Variants in RAD54B observed in about 807,000 individuals in gnomAD.
RAD54B encodes the protein DNA repair and recombination protein RAD54B.
Under a neutral mutation model 95.8 loss-of-function variants are expected in RAD54B, and 78 were observed. The observed-to-expected ratio is 0.81, with a 90% CI of 0.68 to 0.98. The LOEUF (loss-of-function observed/expected upper bound fraction) is 0.98, where lower values mean the gene tolerates loss of function less well. Among genes scored for constraint, RAD54B ranks in the 50% least tolerant of loss-of-function variants. The pLI, the probability that RAD54B is intolerant of heterozygous loss-of-function variation, is 0.00. For missense variants in RAD54B, 957 were observed against 1,056.6 expected, an observed-to-expected ratio of 0.91 and a Z score of 1.31; for synonymous variants, 328 against 354.9, an observed-to-expected ratio of 0.92 and a Z score of 0.85.
At chr8:94,417,795 G>T (rs1326771635) in intron 3 of RAD54B, among the ~76,000 whole-genome samples, 1 of 152,126 alleles carries the variant, frequency 6.6e-6, no homozygotes, top group Non-Finnish European at 1.5e-5. Flanking sequence ...CAGATAAATT[G>T]TATCTTCATT....
intron 8 of RAD54B, among the ~76,000 whole-genome samples, chr8:94,398,293 T>C (rs1199627341): frequency 6.6e-6 from 1 of 152,088 alleles, no homozygotes; most frequent in Non-Finnish European, 1.5e-5. Context: ...AAAAATCGCT[T>C]TTGATAATGG....
chr8:94,374,707 A>C (rs1488394728), intron 14 of RAD54B, among the ~76,000 whole-genome samples: 1 of 152,164 alleles, frequency 6.6e-6, no homozygotes, highest in Non-Finnish European at 1.5e-5. Flanking sequence ...GAGAAACCAT[A>C]ATGAAAAAAA....
At chr8:94,454,350 G>C (rs1217444512) in intron 3 of RAD54B, among the ~76,000 whole-genome samples, 3 of 152,050 alleles carry the variant, frequency 2.0e-5, no homozygotes, top group Non-Finnish European at 4.4e-5. Flanking sequence ...AGATAGAAGT[G>C]ACAGTTGTAC....
At chr8:94,436,611 T>C in intron 3 of RAD54B, 1 of 1,550,556 alleles carries the variant, frequency 6.4e-7, no homozygotes. Context: ...GGGTCTCTTT[T>C]TGCTGCAATA....
At chr8:94,443,521 T>C (rs796243119) in intron 3 of RAD54B, among the ~76,000 whole-genome samples, 2 of 150,082 alleles carry the variant, frequency 1.3e-5, no homozygotes, top group African/African-American at 4.9e-5. Context: ...TAAAATGAAA[T>C]TATCAAAAAA....
chr8:94,379,257 G>C (rs369065026), intron 12 of RAD54B, among the ~76,000 whole-genome samples: 4 of 152,198 alleles, frequency 2.6e-5, no homozygotes, highest in Admixed American at 1.3e-4. Context: ...CTTGGATCAT[G>C]TAGTTTGATT....
rs35973866 is a variant in RAD54B, at chr8:94,458,325, T to C, written c.247A>G (p.Ser83Gly). Residue 83 changes from serine (S) to glycine (G), a missense_variant, in exon 3 of 15, where the codon AGT becomes GGT. Coordinates refer to ENST00000336148, the MANE Select transcript of RAD54B (RefSeq NM_012415.3). ...GGTGCTTCAAAACAATATTTTCCACTGCAATTATCTCTGTTATTGATTTCT... is the reference window on the plus strand; with the variant it reads ...GGTGCTTCAAAACAATATTTTCCACCGCAATTATCTCTGTTATTGATTTCT... ...TREINNRDNC[S>G]GKYCFEAPTL... The C allele has an allele frequency of 2.1e-3, 3,451 of 1,610,634 alleles. 52 individuals are homozygous for C. The African/African-American group carries it at 0.041, about 19-fold the overall frequency.
chr8:94,454,138 G>T lies in RAD54B; in HGVS notation c.304+4130C>A, dbSNP rs2921389. On this transcript the variant is annotated intron_variant, in intron 3 of 14. Coordinates refer to ENST00000336148, the MANE Select transcript of RAD54B (RefSeq NM_012415.3). Reference sequence around the variant, plus strand: ...ATCTTCTGAGTTTTTTACCATGTGCGTGCATTACCTTTTAAAAAAAAAAAA... The same window carrying T: ...ATCTTCTGAGTTTTTTACCATGTGCTTGCATTACCTTTTAAAAAAAAAAAA... Among the ~76,000 whole-genome samples, 4 of 151,078 alleles carry T rather than the reference G, an allele frequency of 2.6e-5. No homozygotes were observed. In the East Asian group the frequency reaches 7.8e-4, roughly 29 times the overall value.
In RAD54B at chr8:94,387,007, G is replaced by A. The variant is rs767903312; in HGVS notation, c.1962C>T (p.Ile654=). 10 of 1,600,128 alleles carry A rather than the reference G, an allele frequency of 6.2e-6. No homozygotes were observed. The East Asian group carries it at 6.7e-5, about 11-fold the overall frequency. ...ACTTTTCAGTAGGTCGAAGTTCGTG[G>A]ATAACCGCTAAGAGCTTGGACAACA... ...LQVLSKLLAV[I]HELRPTEKVV... The change falls in exon 11 of 15, where the codon ATC becomes ATT. Residue 654 remains isoleucine (I), a synonymous_variant. Coordinates refer to ENST00000336148, the MANE Select transcript of RAD54B (RefSeq NM_012415.3).
At chr8:94,405,544 T>A (rs890798154) in intron 5 of RAD54B, among the ~76,000 whole-genome samples, 10 of 152,186 alleles carry the variant, frequency 6.6e-5, no homozygotes, top group African/African-American at 2.4e-4. Context: ...AAATGAACTT[T>A]CATCTTTGAG....
intron 8 of RAD54B, among the ~76,000 whole-genome samples, chr8:94,394,285 A>G (rs1008087223): frequency 6.6e-6 from 1 of 152,218 alleles, no homozygotes; most frequent in African/African-American, 2.4e-5. Context: ...CAAAGTAGTC[A>G]ATCCATATAA....
intron 8 of RAD54B, among the ~76,000 whole-genome samples, chr8:94,398,100 C>A (rs1811188265): frequency 6.6e-6 from 1 of 152,034 alleles, no homozygotes. Context: ...ACTAGTTTTC[C>A]TATTCTTTGG....
intron 10 of RAD54B, 94 bp from the exon 11 acceptor site, chr8:94,387,253 T>G: frequency 9.7e-7 from 1 of 1,026,594 alleles, no homozygotes; most frequent in Non-Finnish European, 1.4e-6. Flanking sequence ...AAGGTGAAGA[T>G]TAACGGCTAT....
At chr8:94,413,943 C>A (rs1462449673) in intron 3 of RAD54B, among the ~76,000 whole-genome samples, 2 of 150,048 alleles carry the variant, frequency 1.3e-5, no homozygotes, top group Non-Finnish European at 2.9e-5. Context: ...TCAAGCGATT[C>A]TCCTGCCTCA....
In RAD54B at chr8:94,411,175, C is replaced by T. The variant is rs764505468; in HGVS notation, c.445G>A (p.Val149Ile). The change falls in exon 4 of 15, where the codon GTA (valine) becomes ATA (isoleucine). Residue 149 changes from valine to isoleucine, a missense_variant. Transcript: ENST00000336148. ...KKWEGDAVLI[V>I]KGKSFILKNL... ...TTTAATATAAATGACTTTCCTTTTACAATAAGAACAGCATCACCTTCCCAC... is the reference window on the plus strand; with the variant it reads ...TTTAATATAAATGACTTTCCTTTTATAATAAGAACAGCATCACCTTCCCAC... 3 of 1,610,734 alleles carry T rather than the reference C, an allele frequency of 1.9e-6. No individual in the cohort carries two copies. Among genetic ancestry groups the T allele is most frequent in the African/African-American group, 1.3e-5 (1 of 74,728 alleles).
At chr8:94,459,027 T>C (rs1586038428) in intron 2 of RAD54B, among the ~76,000 whole-genome samples, 1 of 152,198 alleles carries the variant, frequency 6.6e-6, no homozygotes, top group African/African-American at 2.4e-5. Flanking sequence ...AAACAAATCA[T>C]AACATGCCAT....
At chr8:94,452,584 C>T (rs1282558060) in intron 3 of RAD54B, among the ~76,000 whole-genome samples, 1 of 152,096 alleles carries the variant, frequency 6.6e-6, no homozygotes, top group African/African-American at 2.4e-5. Context: ...CTGCAAGCTC[C>T]GCTCCTGGGT....
intron 12 of RAD54B, 93 bp downstream of exon 12, chr8:94,380,052 G>C (rs191907622): frequency 7.3e-7 from 1 of 1,370,864 alleles, no homozygotes; most frequent in Admixed American, 2.2e-5. Flanking sequence ...TTTATGCAGT[G>C]GATATTATAT....
chr8:94,374,083 T>C (rs2129935926), intron 14 of RAD54B, among the ~76,000 whole-genome samples: 1 of 152,182 alleles, frequency 6.6e-6, no homozygotes, highest in Non-Finnish European at 1.5e-5. Context: ...ATCGAGACCA[T>C]CCTGGCTAAC....
Sources: gnomAD v4.1 joint callset for allele counts (sites outside exome capture counted in the v4.1 genomes callset) on GRCh38, gnomAD v4.1.1 for gene constraint, MANE v1.5 for transcripts, NCBI Gene and HGNC (gene_info 2026-07-23, HGNC 2026-07-21) for gene names.